The following C1QTNF6 variants were observed in gnomAD, a reference collection of about 807,000 sequenced individuals.
C1QTNF6 encodes complement C1q tumor necrosis factor-related protein 6.
In C1QTNF6, 17 loss-of-function variants were observed where a neutral mutation model predicts 20.7. The ratio of observed to expected loss-of-function variants is 0.82; its 90% confidence interval spans 0.56 to 1.23. The LOEUF (loss-of-function observed/expected upper bound fraction) is 1.23. Ranked by LOEUF, C1QTNF6 falls within the 50% of genes most tolerant of loss-of-function variation. C1QTNF6 has a pLI of 0.00. For missense variants in C1QTNF6, 329 were observed against 389.7 expected (o/e 0.84, Z 1.31); for synonymous variants, 130 against 156.3 (o/e 0.83, Z 1.25).
In C1QTNF6 at chr22:37,182,080, C is replaced by T; in HGVS notation, c.*108G>A. 3 of 1,263,816 alleles carry T rather than the reference C, an allele frequency of 2.4e-6. No homozygotes were observed. Among genetic ancestry groups the T allele is most frequent in the Non-Finnish European group, 3.2e-6 (3 of 934,836 alleles). 78.3% of individuals were successfully genotyped at this position (1,263,816 alleles called of 1,614,324 possible). A position where few individuals can be genotyped will look rare whatever the true frequency, so the allele number is the denominator to read the frequency against. ...GCAGGGTCTCCCCAGAATGCCAGGTCCCCGGGGACCTCCCTGGCCTTCCTG... is the reference window on the plus strand; with the variant it reads ...GCAGGGTCTCCCCAGAATGCCAGGTTCCCGGGGACCTCCCTGGCCTTCCTG... On this transcript the variant is annotated 3_prime_UTR_variant, in exon 3 of 3. Transcript: ENST00000337843.
chr22:37,185,887 C>T, intron 1 of C1QTNF6: 2 of 987,468 alleles, frequency 2.0e-6, no homozygotes, highest in Non-Finnish European at 2.4e-6. Context: ...CTGGCACTTT[C>T]TTGCCACCGA....
Position 37,184,676 on chromosome 22 carries a change from A to G in C1QTNF6, c.289+542T>C, listed in dbSNP as rs1219109116. On this transcript the variant is annotated intron_variant, in intron 2 of 2. Transcript: ENST00000337843. This position sits in a 1 kb window ranked among gnomAD's most constrained non-coding sequence, Gnocchi z 4.0. ...TGGGATCAAGTCCCTGTCCCACCCA[A>G]ACCTGCCCCTGTTCCCACTCCACTC... Among the ~76,000 whole-genome samples the G allele has an allele frequency of 6.6e-6, 1 of 152,086 alleles. No homozygotes were observed. The highest frequency in any genetic ancestry group is 1.5e-5 in the Non-Finnish European group (1 of 68,002).
intron 2 of C1QTNF6, among the ~76,000 whole-genome samples, chr22:37,195,149 A>G (rs956947845): frequency 3.3e-5 from 5 of 152,252 alleles, no homozygotes; most frequent in Non-Finnish European, 5.9e-5. Flanking sequence ...TAATGAAAAG[A>G]GAATAGTGGT....
At chr22:37,196,680 T>C (rs900171098) in intron 1 of C1QTNF6, 1 of 152,214 alleles carries the variant, frequency 6.6e-6, no homozygotes, top group Admixed American at 6.5e-5. Flanking sequence ...CCTCGGGGCT[T>C]GGGCATGGGC....
At chr22:37,183,144 T>C (rs1407874347) in intron 2 of C1QTNF6, among the ~76,000 whole-genome samples, 4 of 152,228 alleles carry the variant, frequency 2.6e-5, no homozygotes, top group African/African-American at 4.8e-5. Context: ...GAACATACTT[T>C]GGGTTTCTGA....
intron 1 of C1QTNF6, chr22:37,195,874 G>A (rs1422618395): frequency 6.6e-6 from 1 of 152,190 alleles, no homozygotes; most frequent in African/African-American, 2.4e-5. Context: ...GATGACCAGA[G>A]ATCACTTTCA....
In C1QTNF6 at chr22:37,182,328, T is replaced by TC; in HGVS notation, c.696dup (p.Ser233GlufsTer74). On this transcript the variant is annotated frameshift_variant, in exon 3 of 3. Transcript: ENST00000337843. LOFTEE classifies it high-confidence loss of function. ...CCGTAGGCCAGGTCCAGCATCACAC[T>TC]CTGGCTCTGCATGATGCTGCGCTCG... The TC allele has an allele frequency of 6.2e-7, 1 of 1,614,214 alleles. No individual in the cohort carries two copies. The highest frequency in any genetic ancestry group is 1.1e-5 in the South Asian group (1 of 91,084).
rs750611723 is a variant in C1QTNF6 at position 37,182,488 on chromosome 22, CGCCATGTCAAA to C, written c.526_536del (p.Phe176AspfsTer33). ...GCAGGGGAGCAGCAAACTGGCCGGT[CGCCATGTCAAA>C]GCACCCATCAAGGTTCACAAAGACC... On this transcript the variant is annotated frameshift_variant, in exon 3 of 3. Coordinates refer to ENST00000337843, the MANE Select transcript of C1QTNF6 (RefSeq NM_031910.4). LOFTEE classifies it high-confidence loss of function. 2.5e-6 allele frequency: 4 copies of C among 1,614,128 alleles called. No individual in the cohort carries two copies. Among genetic ancestry groups the C allele is most frequent in the Admixed American group, 1.7e-5 (1 of 60,010 alleles).
upstream of C1QTNF6, among the ~76,000 whole-genome samples, chr22:37,190,157 A>G (rs1924717854): frequency 6.6e-6 from 1 of 152,236 alleles, no homozygotes. Context: ...CAGGTGTACC[A>G]TATTTTTTGA....
chr22:37,196,005 C>G (rs1227720159), intron 1 of C1QTNF6: 1 of 152,230 alleles, frequency 6.6e-6, no homozygotes, highest in African/African-American at 2.4e-5. Flanking sequence ...CATCCTGTGA[C>G]TAAAAATGCC....
At position 37,180,254 on chromosome 22, in the gene C1QTNF6, GCACA is replaced by G. The variant is rs770716225; in HGVS notation, c.*1930_*1933del. ...GCAGGATCAGGCAGGGTGGTTTATA[GCACA>G]GGTCTTCCTGGCACTTGGTCAGACC... On this transcript the variant is annotated 3_prime_UTR_variant, in exon 3 of 3. Coordinates refer to ENST00000337843, the MANE Select transcript of C1QTNF6 (RefSeq NM_031910.4). The G allele has an allele frequency of 3.0e-3, 451 of 152,876 alleles. 3 individuals carry two copies. The highest frequency in any genetic ancestry group is 5.7e-3 in the Admixed American group (87 of 15,298). 9.5% of individuals were successfully genotyped at this position (152,876 alleles called of 1,614,324 possible).
intron 1 of C1QTNF6, chr22:37,195,581 TA>T (rs577658051): frequency 2.2e-4 from 34 of 152,258 alleles, no homozygotes; most frequent in African/African-American, 8.2e-4. Flanking sequence ...TACAGAGAAG[TA>T]AAGAAACAAA....
rs1299572409 is a variant in C1QTNF6 at position 37,185,376 on chromosome 22, A to C, written c.131T>G (p.Val44Gly). The C allele has an allele frequency of 6.2e-7, 1 of 1,613,720 alleles. No homozygotes were observed. Residue 44 changes from valine (V) to glycine (G), a missense_variant, in exon 2 of 3, where the codon GTG (valine) becomes GGG (glycine). Coordinates refer to ENST00000337843, the MANE Select transcript of C1QTNF6 (RefSeq NM_031910.4). The part of the protein sequence containing the change: ...LFLLMCEIPM[V>G]ELTFDRAVAS... ...CACAGCTCTGTCAAAGGTGAGCTCC[A>C]CCATAGGGATCTCACACATCAGGAG...
chr22:37,197,638 T>C lies in C1QTNF6; in HGVS notation n.111A>G, dbSNP rs887009895. ...TGCCAGCTCATTTGGCTCCCGGCCA[T>C]GCAATGCCCCGGAGAAGAGCCTCCT... On this transcript the variant is annotated non_coding_transcript_exon_variant, in exon 1 of 5. Coordinates refer to the C1QTNF6 transcript ENST00000467564. 3 of 152,390 alleles carry C rather than the reference T, an allele frequency of 2.0e-5. No individual in the cohort carries two copies. The East Asian group carries it at 5.8e-4, about 29-fold the overall frequency. 9.4% of individuals were successfully genotyped at this position (152,390 alleles called of 1,614,324 possible). A position where few individuals can be genotyped will look rare whatever the true frequency, so the allele number is the denominator to read the frequency against.
At chr22:37,188,365 C>T (rs1014761512), upstream of C1QTNF6, 3 of 607,478 alleles carry the variant, frequency 4.9e-6, no homozygotes, top group East Asian at 3.3e-5. Context: ...CACTTCCCCT[C>T]CTCCCTGCTC....
upstream of C1QTNF6, among the ~76,000 whole-genome samples, chr22:37,190,271 C>T (rs1924729506): frequency 6.6e-6 from 1 of 152,190 alleles, no homozygotes; most frequent in South Asian, 2.1e-4. Context: ...TACTTGGCTT[C>T]ATTATTTGCA....
In C1QTNF6 at chr22:37,183,146, G is replaced by T. The variant is rs541321158; in HGVS notation, c.290-411C>A. ...GTGGGGTGTGCTGGAACATACTTTG[G>T]GTTTCTGACCCAGGGAAGAAACCAA... On this transcript the variant is annotated intron_variant, in intron 2 of 2. Transcript: ENST00000337843. 3.3e-4 allele frequency among the ~76,000 whole-genome samples: 51 copies of T among 152,330 alleles called. No individual in the cohort carries two copies. The South Asian group carries it at 9.9e-3, about 30-fold the overall frequency.
chr22:37,181,857 A>C lies in C1QTNF6; in HGVS notation c.*331T>G. On this transcript the variant is annotated 3_prime_UTR_variant, in exon 3 of 3. Transcript: ENST00000337843. ...ATGAGAAACACAGAATCCTGGACCC[A>C]CTCAGACCTGCTGAGTCAGAATCTG... The C allele has an allele frequency of 5.6e-6, 2 of 355,078 alleles. No homozygotes were observed. Among genetic ancestry groups the C allele is most frequent in the Non-Finnish European group, 5.2e-6 (1 of 192,052 alleles). The allele number at this position is 355,078 out of a possible 1,614,324, so 22.0% of individuals were successfully genotyped here.
At position 37,180,224 on chromosome 22, in the gene C1QTNF6, C is replaced by T. The variant is rs949100843; in HGVS notation, c.*1964G>A. On this transcript the variant is annotated 3_prime_UTR_variant, in exon 3 of 3. Transcript: ENST00000337843. ...GACGGCAGGGCGTGGCGGGGTCAGG[C>T]AGGGGCAGGATCAGGCAGGGTGGTT... The T allele has an allele frequency of 3.3e-5, 5 of 152,868 alleles. No individual in the cohort carries two copies. The highest frequency in any genetic ancestry group is 1.2e-4 in the African/African-American group (5 of 41,472). 9.5% of individuals were successfully genotyped at this position (152,868 alleles called of 1,614,324 possible).
Sources: gnomAD v4.1 joint callset for allele counts (sites outside exome capture counted in the v4.1 genomes callset) on GRCh38, gnomAD v4.1.1 for gene constraint, Gnocchi (gnomAD v3.1) non-coding constraint, MANE v1.5 for transcripts, NCBI Gene and HGNC (gene_info 2026-07-23, HGNC 2026-07-21) for gene names.